The following HS6ST3 variants were observed in gnomAD, a reference collection of about 807,000 sequenced individuals.
HS6ST3 encodes heparan sulfate 6-O-sulfotransferase 3.
Under a neutral mutation model 36.7 loss-of-function variants are expected in HS6ST3, and 12 were observed. The ratio of observed to expected loss-of-function variants is 0.33; its 90% CI spans 0.21 to 0.53. HS6ST3 has a LOEUF of 0.53. HS6ST3 is among the 20% of genes least tolerant of loss of function. The pLI, the probability that HS6ST3 is intolerant of heterozygous loss-of-function variation, is 0.95. For synonymous variants in HS6ST3, 240 were observed against 257.5 expected (o/e 0.93, Z 0.65); for missense variants, 584 against 640.9 (o/e 0.91, Z 0.96).
Position 96,349,975 on chromosome 13 carries a change from A to T in HS6ST3, c.707+258406A>T, listed in dbSNP as rs564506529. On this transcript the variant is annotated intron_variant, in intron 1 of 1. Transcript: ENST00000376705. ...TAAAGATGAAACTCTGTCTTTCATT[A>T]CTAAGTCATTGGAACAATCTTCAGA... 2.0e-5 allele frequency among the ~76,000 whole-genome samples: 3 copies of T among 152,188 alleles called. No individual in the cohort carries two copies. In the South Asian group the frequency reaches 6.2e-4, roughly 32 times the overall value.
chr13:96,220,481 A>T (rs1029540720), intron 1 of HS6ST3, among the ~76,000 whole-genome samples: 1 of 152,176 alleles, frequency 6.6e-6, no homozygotes, highest in Non-Finnish European at 1.5e-5. Context: ...TGCCACCTAA[A>T]TAATAGCTCT....
At chr13:96,642,165 C>G (rs1386767338) in intron 1 of HS6ST3, among the ~76,000 whole-genome samples, 1 of 151,580 alleles carries the variant, frequency 6.6e-6, no homozygotes, top group African/African-American at 2.4e-5. Context: ...TTTTTGGTTG[C>G]TAGTTTTCTT....
At position 96,381,410 on chromosome 13, in the gene HS6ST3, G is replaced by C. The variant is rs9513126; in HGVS notation, c.707+289841G>C. On this transcript the variant is annotated intron_variant, in intron 1 of 1. Coordinates refer to ENST00000376705, the MANE Select transcript of HS6ST3 (RefSeq NM_153456.4). Reference sequence around the variant, plus strand: ...TGTATCTATGTATCTATGTATCTATGTATCTATCTATCTATCTATCTATCT... The same window carrying C: ...TGTATCTATGTATCTATGTATCTATCTATCTATCTATCTATCTATCTATCT... Among the ~76,000 whole-genome samples, 242 of 138,672 alleles carry C rather than the reference G, an allele frequency of 1.7e-3. 3 individuals carry two copies. Among genetic ancestry groups the C allele is most frequent in the African/African-American group, 4.6e-3 (180 of 38,954 alleles). The allele number at this position is 138,672 out of a possible 152,430, so 91.0% of individuals were successfully genotyped here. A position where few individuals can be genotyped will look rare whatever the true frequency, so the allele number is the denominator to read the frequency against.
chr13:96,620,839 A>C (rs768619353), intron 1 of HS6ST3, among the ~76,000 whole-genome samples: 12 of 152,146 alleles, frequency 7.9e-5, no homozygotes, highest in Non-Finnish European at 1.0e-4. Context: ...TTCAGCAATT[A>C]ATTTTTTTTT....
intron 1 of HS6ST3, among the ~76,000 whole-genome samples, chr13:96,819,678 G>T (rs1450757456): frequency 6.6e-6 from 1 of 152,142 alleles, no homozygotes; most frequent in Admixed American, 6.6e-5. Flanking sequence ...ATTTAAACAA[G>T]CAAACTAAAT....
At chr13:96,492,244 A>G (rs948328869) in intron 1 of HS6ST3, among the ~76,000 whole-genome samples, 2 of 152,220 alleles carry the variant, frequency 1.3e-5, no homozygotes, top group Admixed American at 1.3e-4. Flanking sequence ...AAATTCACCC[A>G]TTCTGCAGAC....
chr13:96,274,084 C>G (rs2054735695), intron 1 of HS6ST3, among the ~76,000 whole-genome samples: 1 of 150,828 alleles, frequency 6.6e-6, no homozygotes, highest in South Asian at 2.1e-4. Flanking sequence ...TGCTCTGTCC[C>G]CCAGGCTGTA....
intron 1 of HS6ST3, among the ~76,000 whole-genome samples, chr13:96,642,160 G>C (rs1470517053): frequency 6.6e-6 from 1 of 151,580 alleles, no homozygotes; most frequent in African/African-American, 2.4e-5. Flanking sequence ...TAAAGTTTTT[G>C]GTTGCTAGTT....
At chr13:96,189,884 G>A (rs1396917015) in intron 1 of HS6ST3, among the ~76,000 whole-genome samples, 1 of 152,074 alleles carries the variant, frequency 6.6e-6, no homozygotes, top group African/African-American at 2.4e-5. Flanking sequence ...CCAATCACAC[G>A]GCCAATTCCA....
intron 1 of HS6ST3, among the ~76,000 whole-genome samples, chr13:96,115,177 T>C (rs1299211414): frequency 6.6e-6 from 1 of 152,220 alleles, no homozygotes; most frequent in African/African-American, 2.4e-5. Context: ...TGATAATGTC[T>C]GTTGTCACAT....
At chr13:96,126,445 A>G (rs2053951641) in intron 1 of HS6ST3, among the ~76,000 whole-genome samples, 1 of 152,190 alleles carries the variant, frequency 6.6e-6, no homozygotes, top group Non-Finnish European at 1.5e-5. Flanking sequence ...GAATTTACTA[A>G]GACAGTTGTA....
At chr13:96,405,044 C>A (rs982865695) in intron 1 of HS6ST3, among the ~76,000 whole-genome samples, 2 of 152,130 alleles carry the variant, frequency 1.3e-5, no homozygotes, top group African/African-American at 4.8e-5. Flanking sequence ...CTCCTTGCCT[C>A]CCACCATGAT....
At chr13:96,172,987 T>C (rs962653379) in intron 1 of HS6ST3, among the ~76,000 whole-genome samples, 1 of 152,174 alleles carries the variant, frequency 6.6e-6, no homozygotes, top group Admixed American at 6.5e-5. Flanking sequence ...GCAGCTGCTA[T>C]TTGCCAAATT....
intron 1 of HS6ST3, among the ~76,000 whole-genome samples, chr13:96,736,891 A>C (rs968193931): frequency 1.7e-4 from 26 of 152,228 alleles, no homozygotes; most frequent in Admixed American, 1.7e-3. Context: ...CCAAACTGTA[A>C]TACATTCAGA....
At chr13:96,498,857 A>T (rs1281913799) in intron 1 of HS6ST3, among the ~76,000 whole-genome samples, 2 of 152,096 alleles carry the variant, frequency 1.3e-5, no homozygotes, top group Admixed American at 1.3e-4. Flanking sequence ...TACTTCTCCT[A>T]CCTTGTTATT....
At chr13:96,287,105 T>G (rs1171832597) in intron 1 of HS6ST3, among the ~76,000 whole-genome samples, 3 of 152,162 alleles carry the variant, frequency 2.0e-5, no homozygotes, top group Non-Finnish European at 2.9e-5. Flanking sequence ...CAAGGCACAA[T>G]GTAGTAGAAG....
intron 1 of HS6ST3, among the ~76,000 whole-genome samples, chr13:96,701,474 T>G (rs1875282975): frequency 6.6e-6 from 1 of 152,192 alleles, no homozygotes; most frequent in South Asian, 2.1e-4. Context: ...TTAACTTGCC[T>G]TCATTTTTTT....
At chr13:96,734,141 G>A (rs1383944731) in intron 1 of HS6ST3, among the ~76,000 whole-genome samples, 1 of 152,116 alleles carries the variant, frequency 6.6e-6, no homozygotes. Context: ...CAGACCCCAA[G>A]CTCCATGAGG....
intron 1 of HS6ST3, among the ~76,000 whole-genome samples, chr13:96,731,067 C>T (rs1471649830): frequency 3.9e-5 from 6 of 152,198 alleles, no homozygotes; most frequent in South Asian, 2.1e-4. Context: ...AACATTACCT[C>T]GCATAGTTAT....
Sources: allele counts gnomAD v4.1 joint callset (sites outside exome capture counted in the v4.1 genomes callset), GRCh38; gene constraint gnomAD v4.1.1; transcripts MANE v1.5; gene names NCBI Gene and HGNC (gene_info 2026-07-23, HGNC 2026-07-21).